The following FOXN4 variants were observed in gnomAD, a reference collection of about 807,000 sequenced individuals.
FOXN4 encodes the protein forkhead box N4.
FOXN4 carries 12 observed loss-of-function variants against 45.0 expected under a neutral mutation model. That is an observed-to-expected ratio of 0.27 (90% CI 0.17 to 0.43). FOXN4 has a LOEUF of 0.43. Among genes scored for constraint, FOXN4 ranks in the 20% least tolerant of loss-of-function variants. The pLI is 1.00. For missense variants in FOXN4, 560 were observed against 694.9 expected (o/e 0.81, Z 2.18); for synonymous variants, 297 against 295.0 (o/e 1.01, Z -0.07).
intron 2 of FOXN4, among the ~76,000 whole-genome samples, chr12:109,304,188 CA>C (rs560597615): frequency 2.2e-3 from 111 of 51,108 alleles, no homozygotes; most frequent in East Asian, 0.011. Context: ...CAGACTCCGT[CA>C]AAAAAAAAAA....
intron 2 of FOXN4, among the ~76,000 whole-genome samples, chr12:109,292,973 C>T (rs1593778775): frequency 6.6e-6 from 1 of 152,190 alleles, no homozygotes; most frequent in East Asian, 1.9e-4. Context: ...TCGTGAGCCC[C>T]TCTGGCTCCC....
chr12:109,282,480 G>A (rs781418757), intron 8 of FOXN4, among the ~76,000 whole-genome samples: 1 of 151,892 alleles, frequency 6.6e-6, no homozygotes, highest in Admixed American at 6.6e-5. Context: ...AATAACACTA[G>A]CCCCTTTCAT....
Position 109,290,701 on chromosome 12 carries a change from G to C in FOXN4, c.87-415C>G, listed in dbSNP as rs1490603262. Among the ~76,000 whole-genome samples the C allele has an allele frequency of 2.0e-5, 3 of 152,160 alleles. No homozygotes were observed. The highest frequency in any genetic ancestry group is 1.3e-4 in the Admixed American group (2 of 15,284). On this transcript the variant is annotated intron_variant, in intron 2 of 9. Coordinates refer to ENST00000299162, the MANE Select transcript of FOXN4 (RefSeq NM_213596.3). The surrounding 1 kb of genome is among the most constrained non-coding windows in gnomAD (Gnocchi z 5.1). ...ACCTACTATGGGACACTACAGCACA[G>C]AGCACTCAGGGCCTGTGGTCAGGGT...
intron 2 of FOXN4, among the ~76,000 whole-genome samples, chr12:109,304,277 A>AAGAAAGAAAGAAAGG (rs2047898124): frequency 2.7e-5 from 2 of 74,632 alleles, no homozygotes; most frequent in African/African-American, 1.1e-4. Context: ...GAAAGAAAGA[A>AAGAAAGAAAGAAAGG]AGAAAGAAAG....
chr12:109,290,087 A>G lies in FOXN4; in HGVS notation c.232+54T>C. On this transcript the variant is annotated intron_variant, in intron 3 of 9. Transcript: ENST00000299162. This position sits in a 1 kb window ranked among gnomAD's most constrained non-coding sequence, Gnocchi z 5.1. ...CAGTGGGTGGGTGGCAGGGCTGGGAATCACCCCTCTCCTATATCACCCTCC... is the reference window on the plus strand; with the variant it reads ...CAGTGGGTGGGTGGCAGGGCTGGGAGTCACCCCTCTCCTATATCACCCTCC... 6.8e-7 allele frequency: 1 copy of G among 1,474,838 alleles called. No homozygotes were observed. Among genetic ancestry groups the G allele is most frequent in the Admixed American group, 2.3e-5 (1 of 43,014 alleles). The allele number at this position is 1,474,838 out of a possible 1,614,324, so 91.4% of individuals were successfully genotyped here.
chr12:109,305,379 G>A (rs1394797248), intron 2 of FOXN4, among the ~76,000 whole-genome samples: 1 of 144,176 alleles, frequency 6.9e-6, no homozygotes, highest in African/African-American at 2.5e-5. Context: ...TATTATTATT[G>A]TTGTTATTAT....
chr12:109,281,737 C>T lies in FOXN4; in HGVS notation c.964G>A (p.Glu322Lys). ...ESCRRPGKPG[E>K]PEAPVLTHAT... is the part of the protein sequence containing the mutation. ...TGAGTCAGCACGGGGGCCTCTGGTT[C>T]CCCCGGTTTGCCGGGGCGCCGGCAG... The change falls in exon 9 of 10, where the codon GAA (glutamate) becomes AAA (lysine). Residue 322 changes from glutamate to lysine, a missense_variant. Glu to Lys is a moderately conservative substitution (Grantham distance 56). Transcript: ENST00000299162. 1 of 1,606,658 alleles carries T rather than the reference C, an allele frequency of 6.2e-7. No homozygotes were observed. Among genetic ancestry groups the T allele is most frequent in the South Asian group, 1.1e-5 (1 of 90,730 alleles).
At chr12:109,284,558 CGTGTGTGTGCGTGCGT>C (rs1422493033) in intron 8 of FOXN4, among the ~76,000 whole-genome samples, 3 of 148,414 alleles carry the variant, frequency 2.0e-5, no homozygotes, top group South Asian at 2.2e-4. Flanking sequence ...TGTGTGCGCA[CGTGTGTGTGCGTGCGT>C]GTGTGTGTGC....
chr12:109,292,648 T>C (rs1435092125), intron 2 of FOXN4, among the ~76,000 whole-genome samples: 1 of 152,196 alleles, frequency 6.6e-6, no homozygotes, highest in Non-Finnish European at 1.5e-5. Context: ...CCAACATTAA[T>C]GCTCATATTA....
Position 109,287,972 on chromosome 12 carries a change from G to A in FOXN4, c.358-18C>T. The A allele has an allele frequency of 6.5e-7, 1 of 1,549,718 alleles. No homozygotes were observed. Among genetic ancestry groups the A allele is most frequent in the Non-Finnish European group, 8.7e-7 (1 of 1,146,894 alleles). On this transcript the variant is annotated intron_variant, in intron 4 of 9. Transcript: ENST00000299162. This position sits in a 1 kb window ranked among gnomAD's most constrained non-coding sequence, Gnocchi z 4.1. ...TGGCTCATCTGCTGGGCAGGAAGAG[G>A]AGGAGACAGAGGGTCACGGTGGGGG...
chr12:109,297,059 TCCAC>T lies in FOXN4; in HGVS notation c.87-6777_87-6774del, dbSNP rs1396619382. ...GCCAGGGAGCTGTGGAACCAGGAGA[TCCAC>T]CTCCAGAGACTGGGTTGGCCACAAC... On this transcript the variant is annotated intron_variant, in intron 2 of 9. Coordinates refer to ENST00000299162, the MANE Select transcript of FOXN4 (RefSeq NM_213596.3). Among the ~76,000 whole-genome samples the T allele has an allele frequency of 3.3e-5, 5 of 152,182 alleles. No homozygotes were observed. In the East Asian group the frequency reaches 9.6e-4, roughly 29 times the overall value.
At position 109,287,865 on chromosome 12, in the gene FOXN4, C is replaced by T. The variant is rs779819637; in HGVS notation, c.447G>A (p.Pro149=). 5.4e-5 allele frequency: 83 copies of T among 1,550,052 alleles called. 1 individual carries two copies. In the South Asian group the frequency reaches 8.1e-4, roughly 15 times the overall value. The change falls in exon 5 of 10, where the codon CCG becomes CCA. Residue 149 remains proline, a synonymous_variant. Transcript: ENST00000299162. The surrounding 1 kb of genome is among the most constrained non-coding windows in gnomAD (Gnocchi z 4.1). The part of the protein sequence containing the change: ...LYSPATQPQF[P]LPPGAQQCPP... ...GTACCTGCTGGGCACCCGGGGGGAG[C>T]GGGAACTGTGGTTGGGTGGCAGGTG...
At chr12:109,293,157 C>A (rs533604349) in intron 2 of FOXN4, among the ~76,000 whole-genome samples, 70 of 152,312 alleles carry the variant, frequency 4.6e-4, no homozygotes, top group Middle Eastern at 3.4e-3. Flanking sequence ...GCCTCTTCAC[C>A]CCAGACATCC....
Position 109,281,625 on chromosome 12 carries a change from A to C in FOXN4, c.1076T>G (p.Val359Gly). Residue 359 changes from valine (V) to glycine (G), a missense_variant, in exon 9 of 10, where the codon GTC becomes GGC. Val to Gly is a moderately radical substitution (Grantham distance 109). Coordinates refer to ENST00000299162, the MANE Select transcript of FOXN4 (RefSeq NM_213596.3). Reference protein sequence around the residue: ...QPLMTLSLQSVPLHHQVQPQA... With the variant: ...QPLMTLSLQSGPLHHQVQPQA... ...GGGCTGGACCTGGTGGTGCAGGGGG[A>C]CTGACTGCAGGGACAGGGTCATCAG... 6.2e-7 allele frequency: 1 copy of C among 1,609,608 alleles called. No individual in the cohort carries two copies. The highest frequency in any genetic ancestry group is 1.1e-5 in the South Asian group (1 of 90,368).
chr12:109,296,605 G>A (rs2047819355), intron 2 of FOXN4, among the ~76,000 whole-genome samples: 1 of 152,190 alleles, frequency 6.6e-6, no homozygotes, highest in Admixed American at 6.5e-5. Context: ...GTCTGGCAGG[G>A]AGGAGACCAG....
Position 109,290,746 on chromosome 12 carries a change from T to G in FOXN4, c.87-460A>C, listed in dbSNP as rs972728108. Reference sequence around the variant, plus strand: ...CAGGGTCCCACCTGCCATGACAAGATCAGTCACCTGACTCCATGTCCAGGG... The same window carrying G: ...CAGGGTCCCACCTGCCATGACAAGAGCAGTCACCTGACTCCATGTCCAGGG... On this transcript the variant is annotated intron_variant, in intron 2 of 9. Coordinates refer to ENST00000299162, the MANE Select transcript of FOXN4 (RefSeq NM_213596.3). The surrounding 1 kb of genome is among the most constrained non-coding windows in gnomAD (Gnocchi z 5.1). Among the ~76,000 whole-genome samples the G allele has an allele frequency of 6.6e-6, 1 of 152,108 alleles. No homozygotes were observed. The highest frequency in any genetic ancestry group is 1.5e-5 in the Non-Finnish European group (1 of 68,000).
At chr12:109,284,916 G>A (rs1241464175) in intron 8 of FOXN4, among the ~76,000 whole-genome samples, 5 of 151,560 alleles carry the variant, frequency 3.3e-5, no homozygotes, top group African/African-American at 1.2e-4. Context: ...GTGCATTTGT[G>A]TGTGTGTGCG....
rs1565999963 is a variant in FOXN4, at chr12:109,288,047, GC to G, written c.357+8del. On this transcript the variant is annotated splice_region_variant and intron_variant, in intron 4 of 9. Transcript: ENST00000299162. This position sits in a 1 kb window ranked among gnomAD's most constrained non-coding sequence, Gnocchi z 4.3. ...ACCCGCCCTCCGCAGTCCATGCAGT[GC>G]CACTTACGCTGTCTCTGTGGCCAGT... 2 of 1,550,236 alleles carry G rather than the reference GC, an allele frequency of 1.3e-6. No individual in the cohort carries two copies. The highest frequency in any genetic ancestry group is 1.7e-6 in the Non-Finnish European group (2 of 1,146,702).
In FOXN4 at chr12:109,291,920, CCCGGCTGCCACCCCT is replaced by C. The variant is rs1566001446; in HGVS notation, c.87-1649_87-1635del. Among the ~76,000 whole-genome samples, 1 of 152,056 alleles carries C rather than the reference CCCGGCTGCCACCCCT, an allele frequency of 6.6e-6. No individual in the cohort carries two copies. Among genetic ancestry groups the C allele is most frequent in the African/African-American group, 2.4e-5 (1 of 41,398 alleles). On this transcript the variant is annotated intron_variant, in intron 2 of 9. Transcript: ENST00000299162. The surrounding 1 kb of genome is among the most constrained non-coding windows in gnomAD (Gnocchi z 6.6). ...CTCAGTGCAATTGTTTCTGCAGCCC[CCCGGCTGCCACCCCT>C]CCGGCCGCCACCCCTCCGGCTGCCA...
Sources: gnomAD v4.1 joint callset for allele counts (sites outside exome capture counted in the v4.1 genomes callset) on GRCh38, gnomAD v4.1.1 for gene constraint, Gnocchi (gnomAD v3.1) non-coding constraint, MANE v1.5 for transcripts, NCBI Gene and HGNC (gene_info 2026-07-23, HGNC 2026-07-21) for gene names.